ANXA4: variants seen among roughly 807,000 people sequenced by gnomAD.
ANXA4 encodes annexin A4.
In ANXA4, 39 loss-of-function variants were observed where a neutral mutation model predicts 49.8. That is an observed-to-expected ratio of 0.78 (90% CI 0.61 to 1.02). ANXA4 has a LOEUF of 1.02. Ranked by LOEUF, ANXA4 falls within the 50% of genes least tolerant of loss-of-function variation. The pLI, the probability that ANXA4 is intolerant of heterozygous loss-of-function variation, is 0.00. For missense variants in ANXA4, 360 were observed against 410.1 expected (o/e 0.88, Z 1.05); for synonymous variants, 134 against 152.5 (o/e 0.88, Z 0.89).
chr2:69,800,162 A>C (rs1260649609), intron 3 of ANXA4, among the ~76,000 whole-genome samples: 3 of 152,192 alleles, frequency 2.0e-5, no homozygotes, highest in South Asian at 2.1e-4. Flanking sequence ...GCTGGAGTTC[A>C]AGCCACTGTT....
rs548404250 is a variant in ANXA4 at position 69,691,193 on chromosome 2, G to A, written n.767-29581G>A. On this transcript the variant is annotated intron_variant and non_coding_transcript_variant, in intron 2 of 3. Coordinates refer to the ANXA4 transcript ENST00000418066. ...GGCTGGAGTGCAGTGGTGCTATCTC[G>A]GCTCACTGCAACCTCTGCCTCCCAG... Among the ~76,000 whole-genome samples, 172 of 150,596 alleles carry A rather than the reference G, an allele frequency of 1.1e-3. 2 individuals are homozygous for A. The highest frequency in any genetic ancestry group is 0.011 in the South Asian group (50 of 4,750).
chr2:69,719,658 C>T (rs1162637045), intron 2 of ANXA4, among the ~76,000 whole-genome samples: 3 of 151,844 alleles, frequency 2.0e-5, no homozygotes, highest in African/African-American at 7.3e-5. Flanking sequence ...GGGCTGGTCT[C>T]GAACTCCTGA....
intron 2 of ANXA4, among the ~76,000 whole-genome samples, chr2:69,707,745 C>T (rs1315691692): frequency 6.6e-6 from 1 of 151,678 alleles, no homozygotes; most frequent in East Asian, 1.9e-4. Context: ...CCCAATTATA[C>T]TCTTTTAGTT....
chr2:69,661,548 G>A (rs1383082293), intron 2 of ANXA4, among the ~76,000 whole-genome samples: 1 of 152,116 alleles, frequency 6.6e-6, no homozygotes, highest in African/African-American at 2.4e-5. Context: ...TCCAGCCTGG[G>A]TGACAGAGTA....
intron 2 of ANXA4, among the ~76,000 whole-genome samples, chr2:69,671,471 C>A (rs886268863): frequency 1.3e-5 from 2 of 152,196 alleles, no homozygotes; most frequent in African/African-American, 4.8e-5. Flanking sequence ...AATCCCAGCA[C>A]TTTGGGAGGC....
intron 1 of ANXA4, among the ~76,000 whole-genome samples, chr2:69,762,294 G>A (rs969051550): frequency 2.6e-5 from 4 of 152,024 alleles, no homozygotes; most frequent in Non-Finnish European, 5.9e-5. Context: ...GGCTGAGGTG[G>A]AGAATCACTG....
chr2:69,795,657 T>C (rs937554617), intron 3 of ANXA4, among the ~76,000 whole-genome samples: 5 of 152,194 alleles, frequency 3.3e-5, no homozygotes, highest in African/African-American at 1.2e-4. Flanking sequence ...TGAACTGGCC[T>C]AGCAGTTTTA....
In ANXA4 at chr2:69,818,755, T is replaced by A; in HGVS notation, c.724+61T>A. On this transcript the variant is annotated intron_variant, in intron 10 of 12. Coordinates refer to ENST00000394295, the MANE Select transcript of ANXA4 (RefSeq NM_001153.5). ...ATAGATTTTCCTTCTCATTATCAGT[T>A]TGCAATATGGGGATATAGAATTATT... The A allele has an allele frequency of 3.8e-6, 4 of 1,061,544 alleles. No homozygotes were observed. In the South Asian group the frequency reaches 5.7e-5, roughly 15 times the overall value. 65.8% of individuals were successfully genotyped at this position (1,061,544 alleles called of 1,614,324 possible). A position where few individuals can be genotyped will look rare whatever the true frequency, so the allele number is the denominator to read the frequency against.
intron 3 of ANXA4, among the ~76,000 whole-genome samples, chr2:69,803,804 G>A (rs944663894): frequency 6.6e-6 from 1 of 152,088 alleles, no homozygotes; most frequent in Middle Eastern, 3.2e-3. Flanking sequence ...GCAAGAATAT[G>A]GAAGAGAGAG....
chr2:69,658,851 C>T (rs1179018656), intron 2 of ANXA4, among the ~76,000 whole-genome samples: 1 of 152,164 alleles, frequency 6.6e-6, no homozygotes, highest in Non-Finnish European at 1.5e-5. Flanking sequence ...CGCAGCACCA[C>T]ACCTGGCTAA....
chr2:69,665,995 G>A (rs1676918517), intron 2 of ANXA4, among the ~76,000 whole-genome samples: 1 of 152,130 alleles, frequency 6.6e-6, no homozygotes, highest in African/African-American at 2.4e-5. Context: ...ACAATGTCAG[G>A]AGTTCAAGAC....
intron 2 of ANXA4, among the ~76,000 whole-genome samples, chr2:69,720,567 T>C (rs1404751572): frequency 6.6e-6 from 1 of 152,162 alleles, no homozygotes; most frequent in Non-Finnish European, 1.5e-5. Context: ...GGGGCAGCCA[T>C]GGAAGATTTT....
intron 3 of ANXA4, among the ~76,000 whole-genome samples, chr2:69,735,185 A>G (rs1280353385): frequency 1.3e-5 from 2 of 152,260 alleles, no homozygotes; most frequent in African/African-American, 4.8e-5. Flanking sequence ...TGTAGAACTA[A>G]TGACTATCTG....
intron 1 of ANXA4, among the ~76,000 whole-genome samples, chr2:69,648,238 C>T (rs1452162495): frequency 6.6e-6 from 1 of 152,202 alleles, no homozygotes; most frequent in Non-Finnish European, 1.5e-5. Flanking sequence ...GGATTAGAGT[C>T]TGTCAACTAT....
At chr2:69,656,241 G>GTA (rs535408696) in intron 2 of ANXA4, among the ~76,000 whole-genome samples, 7,828 of 109,874 alleles carry the variant, frequency 0.071, 1,084 homozygotes, top group East Asian at 0.23. Context: ...ATATATATAC[G>GTA]TATATATATG....
At chr2:69,753,913 A>G (rs1339162469) in intron 1 of ANXA4, among the ~76,000 whole-genome samples, 1 of 152,236 alleles carries the variant, frequency 6.6e-6, no homozygotes, top group East Asian at 1.9e-4. Context: ...TTATGCCAAA[A>G]TAAACCAGCT....
At chr2:69,805,124 ACT>A (rs1673388838) in intron 4 of ANXA4, among the ~76,000 whole-genome samples, 1 of 150,342 alleles carries the variant, frequency 6.7e-6, no homozygotes, top group Non-Finnish European at 1.5e-5. Context: ...AAGTTCTTAA[ACT>A]CTCTGACCCA....
intron 2 of ANXA4, among the ~76,000 whole-genome samples, chr2:69,680,721 G>C (rs4852913): frequency 0.14 from 20,707 of 152,094 alleles, 2,042 homozygotes; most frequent in East Asian, 0.36. Flanking sequence ...AAGGTATGTT[G>C]AATTTTATCA....
At chr2:69,683,955 T>A (rs1458545787) in intron 2 of ANXA4, among the ~76,000 whole-genome samples, 1 of 152,188 alleles carries the variant, frequency 6.6e-6, no homozygotes, top group Non-Finnish European at 1.5e-5. Context: ...CTTAGAGAGT[T>A]CCAGGTAAGA....
Sources: gnomAD v4.1 joint callset for allele counts (sites outside exome capture counted in the v4.1 genomes callset) on GRCh38, gnomAD v4.1.1 for gene constraint, MANE v1.5 for transcripts, NCBI Gene and HGNC (gene_info 2026-07-23, HGNC 2026-07-21) for gene names.